SDCBP: variants seen among roughly 807,000 people sequenced by gnomAD.
SDCBP encodes the protein syndecan binding protein, also known as syntenin-1.
Under a neutral mutation model 30.5 loss-of-function variants are expected in SDCBP, and 22 were observed. That is an observed-to-expected ratio of 0.72 (90% CI 0.52 to 1.03). The LOEUF (loss-of-function observed/expected upper bound fraction) is 1.03, where lower values mean the gene tolerates loss of function less well. Ranked by LOEUF, SDCBP falls within the 50% of genes least tolerant of loss-of-function variation. SDCBP has a pLI of 0.00. For synonymous variants in SDCBP, 103 were observed against 118.7 expected (o/e 0.87, Z 0.86); for missense variants, 304 against 369.9 (o/e 0.82, Z 1.46).
chr8:58,582,222 T>G lies in SDCBP; in HGVS notation c.*482T>G, dbSNP rs1313672685. ...GTGTGTGTGTGTGTAAAATGCCAATTAAGAACACTGGTTTCATTCCATGTA... is the reference window on the plus strand; with the variant it reads ...GTGTGTGTGTGTGTAAAATGCCAATGAAGAACACTGGTTTCATTCCATGTA... On this transcript the variant is annotated 3_prime_UTR_variant, in exon 9 of 9. Coordinates refer to ENST00000260130, the MANE Select transcript of SDCBP (RefSeq NM_005625.4). 1 of 154,986 alleles carries G rather than the reference T, an allele frequency of 6.5e-6. No homozygotes were observed. Among genetic ancestry groups the G allele is most frequent in the Non-Finnish European group, 1.4e-5 (1 of 69,744 alleles). The allele number at this position is 154,986 out of a possible 1,614,324, so 9.6% of individuals were successfully genotyped here.
At chr8:58,570,747 T>C (rs9297998) in intron 2 of SDCBP, 140 bp from the exon 3 acceptor site, 226,599 of 594,452 alleles carry the variant, frequency 0.38, 45,863 homozygotes, top group East Asian at 0.58. Context: ...GTATTGCTGA[T>C]GTGTTTGAAA....
At chr8:58,563,814 T>C (rs780433098) in intron 1 of SDCBP, among the ~76,000 whole-genome samples, 2 of 152,188 alleles carry the variant, frequency 1.3e-5, no homozygotes, top group Non-Finnish European at 2.9e-5. Context: ...AGGGGACAGA[T>C]GTCACTGGCA....
intron 5 of SDCBP, 41 bp from the exon 6 acceptor site, chr8:58,577,992 T>C (rs758903204): frequency 4.8e-6 from 7 of 1,452,968 alleles, no homozygotes; most frequent in Middle Eastern, 2.1e-4. Context: ...AACCGTATCA[T>C]AGTAGTGGTA....
At chr8:58,558,773 T>C (rs10104292) in intron 1 of SDCBP, among the ~76,000 whole-genome samples, 62,675 of 151,982 alleles carry the variant, frequency 0.41, 13,774 homozygotes, top group African/African-American at 0.57. Context: ...ACTTGACCTA[T>C]GCCTCAAGGC....
chr8:58,568,983 C>T (rs1197214049), intron 2 of SDCBP, among the ~76,000 whole-genome samples: 1 of 152,066 alleles, frequency 6.6e-6, no homozygotes, highest in African/African-American at 2.4e-5. Flanking sequence ...CCTCCTGCCA[C>T]AGCCTTCTAA....
intron 2 of SDCBP, among the ~76,000 whole-genome samples, chr8:58,567,761 AACCTGTATGATCCC>A (rs1304179245): frequency 2.0e-5 from 3 of 152,304 alleles, no homozygotes; most frequent in South Asian, 4.1e-4. Flanking sequence ...CTATGCTACA[AACCTGTATGATCCC>A]ACCTGTATGA....
chr8:58,580,663 A>C (rs1805641749), intron 8 of SDCBP, 55 bp downstream of exon 8: 9 of 915,504 alleles, frequency 9.8e-6, no homozygotes, highest in Non-Finnish European at 1.6e-5. Context: ...TAATATAAGC[A>C]CTATACTTTA....
At chr8:58,558,642 G>A (rs1373216300) in intron 1 of SDCBP, among the ~76,000 whole-genome samples, 1 of 152,154 alleles carries the variant, frequency 6.6e-6, no homozygotes, top group Admixed American at 6.5e-5. Flanking sequence ...ATTGAGTCCT[G>A]CCTTCAAGTA....
chr8:58,569,709 C>G (rs968707893), intron 2 of SDCBP, among the ~76,000 whole-genome samples: 1 of 151,708 alleles, frequency 6.6e-6, no homozygotes, highest in Non-Finnish European at 1.5e-5. Context: ...AGTAATATAA[C>G]AAGCCACTAG....
intron 1 of SDCBP, among the ~76,000 whole-genome samples, chr8:58,563,022 T>TA (rs1198630435): frequency 1.3e-5 from 2 of 152,208 alleles, no homozygotes; most frequent in Non-Finnish European, 2.9e-5. Flanking sequence ...GTATTAGAGT[T>TA]ACCATATGAC....
chr8:58,564,535 A>G (rs1307189549), intron 1 of SDCBP, among the ~76,000 whole-genome samples: 2 of 152,192 alleles, frequency 1.3e-5, no homozygotes, highest in African/African-American at 2.4e-5. Context: ...CTGTATACAT[A>G]TATGTGTGTA....
At chr8:58,559,477 AAAG>A (rs1392422146) in intron 1 of SDCBP, among the ~76,000 whole-genome samples, 1 of 152,190 alleles carries the variant, frequency 6.6e-6, no homozygotes, top group African/African-American at 2.4e-5. Context: ...CTTTGAACCC[AAAG>A]AAGATAATTC....
At chr8:58,565,404 T>C (rs140656287) in intron 2 of SDCBP, among the ~76,000 whole-genome samples, 2,449 of 152,256 alleles carry the variant, frequency 0.016, 72 homozygotes, top group African/African-American at 0.055. Context: ...TTCATAGTTT[T>C]GTATAAAATT....
intron 1 of SDCBP, among the ~76,000 whole-genome samples, chr8:58,553,898 A>G (rs989518305): frequency 6.6e-6 from 1 of 152,154 alleles, no homozygotes; most frequent in African/African-American, 2.4e-5. Flanking sequence ...TTCCTGGAGA[A>G]GTTGGACCTG....
intron 1 of SDCBP, among the ~76,000 whole-genome samples, chr8:58,563,572 T>TA (rs143167665): frequency 0.086 from 12,832 of 149,882 alleles, 1,180 homozygotes; most frequent in East Asian, 0.26. Flanking sequence ...GAATTAAATT[T>TA]AAAAAAAAAA....
At chr8:58,576,636 T>C (rs1056504483) in intron 5 of SDCBP, among the ~76,000 whole-genome samples, 2 of 152,204 alleles carry the variant, frequency 1.3e-5, no homozygotes, top group African/African-American at 4.8e-5. Context: ...AGATGGAATA[T>C]TCTTTCTAAT....
Position 58,572,209 on chromosome 8 carries a change from CT to C in SDCBP, c.136del (p.Tyr46IlefsTer14). 1 of 1,587,276 alleles carries C rather than the reference CT, an allele frequency of 6.3e-7. No individual in the cohort carries two copies. The highest frequency in any genetic ancestry group is 8.6e-7 in the Non-Finnish European group (1 of 1,158,412). On this transcript the variant is annotated frameshift_variant, in exon 4 of 9. Coordinates refer to ENST00000260130, the MANE Select transcript of SDCBP (RefSeq NM_005625.4). LOFTEE classifies it high-confidence loss of function. ...SAPIPHDGNL[Y>X]PRLYPELSQY... ...ATTTATTCATTTACTTTTTAGATCT[CT>C]ATCCCAGACTGTATCCAGAGCTCTC...
chr8:58,561,459 A>G (rs1804439521), intron 1 of SDCBP: 2 of 226,652 alleles, frequency 8.8e-6, no homozygotes, highest in East Asian at 1.9e-4. Flanking sequence ...TTTTGAAAGC[A>G]GCAGGATAAG....
Position 58,568,667 on chromosome 8 carries a change from C to T in SDCBP, c.52-2220C>T, listed in dbSNP as rs575644926. On this transcript the variant is annotated intron_variant, in intron 2 of 8. Transcript: ENST00000260130. Reference sequence around the variant, plus strand: ...CAAAGTAATGAGTTGTTCTGTGTGACGGCAGCTATGATGTCACTAGACAGT... The same window carrying T: ...CAAAGTAATGAGTTGTTCTGTGTGATGGCAGCTATGATGTCACTAGACAGT... 4.7e-4 allele frequency among the ~76,000 whole-genome samples: 72 copies of T among 152,202 alleles called. 1 individual carries two copies. Among genetic ancestry groups the T allele is most frequent in the African/African-American group, 1.5e-3 (62 of 41,528 alleles).
Sources: allele counts gnomAD v4.1 joint callset (sites outside exome capture counted in the v4.1 genomes callset), GRCh38; gene constraint gnomAD v4.1.1; transcripts MANE v1.5; gene names NCBI Gene and HGNC (gene_info 2026-07-23, HGNC 2026-07-21).